Variants in DPP10 observed in about 807,000 individuals in gnomAD.
DPP10 encodes inactive dipeptidyl peptidase 10.
DPP10 carries 33 observed loss-of-function variants against 120.9 expected under a neutral mutation model. The observed-to-expected ratio is 0.27, with a 90% CI of 0.21 to 0.37. The LOEUF is 0.37. Among genes scored for constraint, DPP10 ranks in the 10% least tolerant of loss-of-function variants. The probability of loss-of-function intolerance (pLI) is 1.00; values close to 1 mark genes in which losing one functional copy is unlikely to be tolerated. For missense variants in DPP10, 816 were observed against 942.8 expected, an observed-to-expected ratio of 0.87 and a Z score of 1.76; for synonymous variants, 337 against 326.1, an observed-to-expected ratio of 1.03 and a Z score of -0.36.
At chr2:115,671,594 C>A (rs1301917456) in intron 5 of DPP10, among the ~76,000 whole-genome samples, 1 of 151,820 alleles carries the variant, frequency 6.6e-6, no homozygotes, top group Non-Finnish European at 1.5e-5. Flanking sequence ...TAAATTACAG[C>A]TGTTTATTTT....
rs2087371685 is a variant in DPP10 at position 115,647,555 on chromosome 2, A to C, written c.442-42132A>C. Among the ~76,000 whole-genome samples, 4 of 152,148 alleles carry C rather than the reference A, an allele frequency of 2.6e-5. No individual in the cohort carries two copies. The South Asian group carries it at 8.3e-4, about 31-fold the overall frequency. The stretch of plus-strand genomic sequence containing the variant: ...AGTACATGGTAAAAAAAAAATTAAC[A>C]AACAAAGGACTGGGTAACATGACTG... On this transcript the variant is annotated intron_variant, in intron 5 of 25. Transcript: ENST00000410059.
intron 2 of DPP10, among the ~76,000 whole-genome samples, chr2:115,319,285 A>G (rs1484784092): frequency 2.0e-5 from 3 of 152,026 alleles, no homozygotes; most frequent in Non-Finnish European, 4.4e-5. Flanking sequence ...ATGCTGAAGA[A>G]CTCAGTTTTC....
chr2:115,532,589 G>A (rs184892740), intron 5 of DPP10, among the ~76,000 whole-genome samples: 4 of 151,992 alleles, frequency 2.6e-5, no homozygotes, highest in Admixed American at 2.6e-4. Flanking sequence ...CAGACATAGT[G>A]GTTAGACATT....
chr2:115,533,422 A>G (rs1452820031), intron 5 of DPP10, among the ~76,000 whole-genome samples: 2 of 152,070 alleles, frequency 1.3e-5, no homozygotes, highest in African/African-American at 2.4e-5. Context: ...CATTCATTTC[A>G]GTTTAGGTCT....
chr2:114,983,230 GT>G (rs1700195390), intron 1 of DPP10, among the ~76,000 whole-genome samples: 2 of 152,234 alleles, frequency 1.3e-5, no homozygotes, highest in Admixed American at 1.3e-4. Flanking sequence ...GAAAAATCCA[GT>G]TTCTCCCTAG....
intron 3 of DPP10, among the ~76,000 whole-genome samples, chr2:115,429,978 G>A (rs1446140058): frequency 6.6e-6 from 1 of 152,136 alleles, no homozygotes; most frequent in Non-Finnish European, 1.5e-5. Flanking sequence ...TATGACAAGC[G>A]CTAAAAGAAA....
At position 115,664,568 on chromosome 2, in the gene DPP10, C is replaced by T. The variant is rs535748424; in HGVS notation, c.442-25119C>T. 1.5e-4 allele frequency among the ~76,000 whole-genome samples: 23 copies of T among 152,064 alleles called. No individual in the cohort carries two copies. In the East Asian group the frequency reaches 4.1e-3, roughly 27 times the overall value. ...AAATGGGGGCAAGTACTGGGGATTT[C>T]TCTGTCAAGCAAGGAAATGCTTTTC... On this transcript the variant is annotated intron_variant, in intron 5 of 25. Transcript: ENST00000410059.
chr2:114,944,996 G>C (rs968163646), intron 1 of DPP10, among the ~76,000 whole-genome samples: 2 of 152,170 alleles, frequency 1.3e-5, no homozygotes, highest in Non-Finnish European at 2.9e-5. Flanking sequence ...GAAAAGGTTA[G>C]TCTCTTCAAC....
At chr2:115,832,080 A>G (rs1343114215) in intron 21 of DPP10, among the ~76,000 whole-genome samples, 1 of 152,220 alleles carries the variant, frequency 6.6e-6, no homozygotes, top group Non-Finnish European at 1.5e-5. Flanking sequence ...CCTAGAACTT[A>G]TATCTTATTT....
intron 5 of DPP10, among the ~76,000 whole-genome samples, chr2:115,571,775 A>G (rs1314043446): frequency 6.6e-6 from 1 of 152,024 alleles, no homozygotes; most frequent in Non-Finnish European, 1.5e-5. Context: ...AAAAGAACAA[A>G]AATCACCCAT....
chr2:115,241,874 A>C (rs1160849367), intron 1 of DPP10, among the ~76,000 whole-genome samples: 2 of 152,242 alleles, frequency 1.3e-5, no homozygotes, highest in Non-Finnish European at 2.9e-5. Flanking sequence ...CAGGGTTATC[A>C]TAAAGATTTT....
chr2:114,621,466 C>T (rs998761694), intron 1 of DPP10, among the ~76,000 whole-genome samples: 8 of 152,206 alleles, frequency 5.3e-5, no homozygotes, highest in African/African-American at 1.7e-4. Context: ...CCCAAATTCA[C>T]ACAGATTCTA....
chr2:114,706,278 A>T (rs767929497), intron 1 of DPP10, among the ~76,000 whole-genome samples: 4 of 152,238 alleles, frequency 2.6e-5, no homozygotes, highest in African/African-American at 4.8e-5. Flanking sequence ...AACTGGAAAG[A>T]GAGACAATAA....
At chr2:115,519,472 T>C (rs1292480424) in intron 4 of DPP10, among the ~76,000 whole-genome samples, 1 of 152,118 alleles carries the variant, frequency 6.6e-6, no homozygotes, top group Non-Finnish European at 1.5e-5. Flanking sequence ...ATATTGCAGA[T>C]GTCAGGAAAG....
At chr2:115,667,532 A>G (rs2089551447) in intron 5 of DPP10, among the ~76,000 whole-genome samples, 2 of 152,148 alleles carry the variant, frequency 1.3e-5, no homozygotes, top group Admixed American at 1.3e-4. Flanking sequence ...GTGGTAAAGA[A>G]AGGGTACAGT....
intron 2 of DPP10, among the ~76,000 whole-genome samples, chr2:115,341,332 G>A (rs1574489595): frequency 1.3e-5 from 2 of 151,828 alleles, no homozygotes; most frequent in East Asian, 3.9e-4. Flanking sequence ...AAAGGTACAG[G>A]AATTTCCCAT....
intron 21 of DPP10, among the ~76,000 whole-genome samples, chr2:115,819,786 G>T (rs1435398901): frequency 6.6e-6 from 1 of 152,120 alleles, no homozygotes; most frequent in Non-Finnish European, 1.5e-5. Context: ...CTGAGGTTGG[G>T]AGTTCGAGAC....
At chr2:115,275,187 C>T (rs1460725901) in intron 1 of DPP10, among the ~76,000 whole-genome samples, 3 of 152,182 alleles carry the variant, frequency 2.0e-5, no homozygotes, top group Non-Finnish European at 1.5e-5. Flanking sequence ...ACAGGTTGAC[C>T]TGTACTGAAG....
At chr2:114,607,840 T>A (rs1660762510) in intron 1 of DPP10, among the ~76,000 whole-genome samples, 1 of 152,224 alleles carries the variant, frequency 6.6e-6, no homozygotes, top group South Asian at 2.1e-4. Flanking sequence ...GAAGTCAGTC[T>A]GAGTGCCACC....
Sources: allele counts gnomAD v4.1 joint callset (sites outside exome capture counted in the v4.1 genomes callset), GRCh38; gene constraint gnomAD v4.1.1; transcripts MANE v1.5; gene names NCBI Gene and HGNC (gene_info 2026-07-23, HGNC 2026-07-21).